CDC123: variants seen among roughly 807,000 people sequenced by gnomAD.
CDC123 encodes the protein cell division cycle 123.
In CDC123, 37 loss-of-function variants were observed where a neutral mutation model predicts 54.4. The ratio of observed to expected loss-of-function variants is 0.68; its 90% CI spans 0.52 to 0.89. The LOEUF (loss-of-function observed/expected upper bound fraction) is 0.89. Ranked by LOEUF, CDC123 falls within the 40% of genes least tolerant of loss-of-function variation. CDC123 has a pLI of 0.00. For missense variants in CDC123, 361 were observed against 412.1 expected (o/e 0.88, Z 1.07); for synonymous variants, 144 against 136.8 (o/e 1.05, Z -0.37).
chr10:12,249,056 AGCAACAGAGACCTGG>A (rs1288495247), intron 11 of CDC123, among the ~76,000 whole-genome samples: 1 of 151,520 alleles, frequency 6.6e-6, no homozygotes, highest in Non-Finnish European at 1.5e-5. Context: ...GGTTGCAGTG[AGCAACAGAGACCTGG>A]GCAACAGAGA....
chr10:12,204,389 C>T (rs1440600359), intron 2 of CDC123, among the ~76,000 whole-genome samples: 1 of 152,130 alleles, frequency 6.6e-6, no homozygotes, highest in Non-Finnish European at 1.5e-5. Context: ...GAGATAGTGA[C>T]ATTTTTGCTT....
At chr10:12,208,227 T>C (rs1292760310) in intron 2 of CDC123, among the ~76,000 whole-genome samples, 2 of 152,234 alleles carry the variant, frequency 1.3e-5, no homozygotes, top group Non-Finnish European at 2.9e-5. Flanking sequence ...ATTATTTTTC[T>C]CAATGATATG....
intron 2 of CDC123, among the ~76,000 whole-genome samples, chr10:12,203,793 GT>G (rs898155946): frequency 1.3e-5 from 2 of 152,112 alleles, no homozygotes; most frequent in Non-Finnish European, 2.9e-5. Context: ...TGCGAAAAAT[GT>G]TTTTGAATAA....
At chr10:12,208,015 T>TC (rs1354770750) in intron 2 of CDC123, among the ~76,000 whole-genome samples, 1 of 152,188 alleles carries the variant, frequency 6.6e-6, no homozygotes, top group African/African-American at 2.4e-5. Flanking sequence ...GGCTTATTCC[T>TC]CCCCTTGACT....
chr10:12,197,119 A>G (rs2399788), intron 1 of CDC123, among the ~76,000 whole-genome samples: 16,057 of 152,250 alleles, frequency 0.11, 860 homozygotes, highest in Non-Finnish European at 0.12. Context: ...CTTAAATAGT[A>G]TTGGAATGTG....
At chr10:12,233,969 G>A (rs749319757) in intron 7 of CDC123, among the ~76,000 whole-genome samples, 2 of 152,038 alleles carry the variant, frequency 1.3e-5, no homozygotes, top group Non-Finnish European at 2.9e-5. Flanking sequence ...TGAGAAAATA[G>A]TGAGAGAGTT....
At chr10:12,220,682 CTT>C (rs1281418032) in intron 6 of CDC123, among the ~76,000 whole-genome samples, 1 of 152,164 alleles carries the variant, frequency 6.6e-6, no homozygotes, top group Admixed American at 6.5e-5. Flanking sequence ...TTGAAGAGCT[CTT>C]AAAAGATTAA....
chr10:12,227,363 T>G (rs1835838366), intron 6 of CDC123, among the ~76,000 whole-genome samples: 1 of 152,184 alleles, frequency 6.6e-6, no homozygotes, highest in East Asian at 1.9e-4. Context: ...AGGTCCTGAT[T>G]GTGATTTTTA....
At chr10:12,220,821 CA>C (rs1405632889) in intron 6 of CDC123, among the ~76,000 whole-genome samples, 2 of 151,904 alleles carry the variant, frequency 1.3e-5, no homozygotes, top group Non-Finnish European at 2.9e-5. Flanking sequence ...ACTGAAAATA[CA>C]AAAAATTAGC....
intron 6 of CDC123, 81 bp downstream of exon 6, chr10:12,217,548 G>T: frequency 7.1e-7 from 1 of 1,404,774 alleles, no homozygotes; most frequent in Non-Finnish European, 9.7e-7. Flanking sequence ...ATTACTTATA[G>T]TACTATTATA....
At chr10:12,245,957 G>A (rs1207047335) in intron 10 of CDC123, 192 bp from the exon 11 acceptor site, 3 of 534,068 alleles carry the variant, frequency 5.6e-6, no homozygotes, top group East Asian at 6.4e-5. Flanking sequence ...GTAGTCCCAG[G>A]TACTGAGGAG....
chr10:12,208,086 A>G (rs1192874425), intron 2 of CDC123, among the ~76,000 whole-genome samples: 1 of 152,008 alleles, frequency 6.6e-6, no homozygotes, highest in East Asian at 1.9e-4. Context: ...TTCACTCAGC[A>G]TTGTCCTTGG....
At chr10:12,236,616 C>G (rs1266373521) in intron 8 of CDC123, among the ~76,000 whole-genome samples, 2 of 149,528 alleles carry the variant, frequency 1.3e-5, no homozygotes, top group Non-Finnish European at 3.0e-5. Flanking sequence ...AAAAAAAGGC[C>G]AGGTGCGGTG....
intron 9 of CDC123, among the ~76,000 whole-genome samples, chr10:12,237,787 C>T (rs974761613): frequency 6.6e-6 from 1 of 152,254 alleles, no homozygotes; most frequent in African/African-American, 2.4e-5. Flanking sequence ...AGTCAGTTCC[C>T]TGTCTTGTTT....
At chr10:12,231,108 C>G in intron 7 of CDC123, 112 bp downstream of exon 7, 1 of 917,328 alleles carries the variant, frequency 1.1e-6, no homozygotes, top group South Asian at 1.6e-5. Flanking sequence ...TCTTCGGGAA[C>G]CTAAAGCCAC....
At chr10:12,225,035 A>C (rs7908820) in intron 6 of CDC123, among the ~76,000 whole-genome samples, 151,304 of 152,302 alleles carry the variant, frequency 0.99, 75,168 homozygotes, top group Middle Eastern at 1. Flanking sequence ...GGACAGGCAT[A>C]TCCTGGCGCT....
At chr10:12,220,127 G>C (rs1046252698) in intron 6 of CDC123, among the ~76,000 whole-genome samples, 5 of 152,164 alleles carry the variant, frequency 3.3e-5, no homozygotes, top group African/African-American at 4.8e-5. Context: ...CACTGTGCCT[G>C]GCCCTTATAA....
intron 10 of CDC123, 121 bp from the exon 11 acceptor site, chr10:12,246,028 C>G (rs1448556554): frequency 1.9e-6 from 2 of 1,048,678 alleles, no homozygotes; most frequent in African/African-American, 1.6e-5. Flanking sequence ...CGTGATCACA[C>G]CAGTGCACTG....
Position 12,217,455 on chromosome 10 carries a change from A to T in CDC123, c.428A>T (p.Asp143Val). 6.2e-7 allele frequency: 1 copy of T among 1,613,840 alleles called. No individual in the cohort carries two copies. Among genetic ancestry groups the T allele is most frequent in the Admixed American group, 1.7e-5 (1 of 59,996 alleles). ...LFKSSDFITR[D>V]FTQPFIHCTD... ...AAGAGTTCCGATTTCATCACTCGTG[A>T]CTTCACTCAGCCGTAAGTATCTCTT... is the stretch of plus-strand genomic sequence containing the variant. The change falls in exon 6 of 13, where the codon GAC becomes GTC. Residue 143 changes from aspartate to valine, a missense_variant. Coordinates refer to ENST00000281141, the MANE Select transcript of CDC123 (RefSeq NM_006023.3).
Sources: gnomAD v4.1 joint callset for allele counts (sites outside exome capture counted in the v4.1 genomes callset) on GRCh38, gnomAD v4.1.1 for gene constraint, MANE v1.5 for transcripts, NCBI Gene and HGNC (gene_info 2026-07-23, HGNC 2026-07-21) for gene names.